DNM3: variants seen among roughly 807,000 people sequenced by gnomAD.
DNM3 encodes the protein dynamin-3.
Under a neutral mutation model 101.6 loss-of-function variants are expected in DNM3, and 47 were observed. The ratio of observed to expected loss-of-function variants is 0.46; its 90% CI spans 0.37 to 0.59. The LOEUF (loss-of-function observed/expected upper bound fraction) is 0.59, where lower values mean the gene tolerates loss of function less well. DNM3 is among the 20% of genes least tolerant of loss of function. The pLI, the probability that DNM3 is intolerant of heterozygous loss-of-function variation, is 0.00. For missense variants in DNM3, 849 were observed against 1,085.7 expected (o/e 0.78, Z 3.06); for synonymous variants, 385 against 387.9 (o/e 0.99, Z 0.09).
rs577067834 is a variant in DNM3, at chr1:172,409,385, T to C, written c.*1544T>C. 29 of 985,140 alleles carry C rather than the reference T, an allele frequency of 2.9e-5. No homozygotes were observed. The highest frequency in any genetic ancestry group is 1.4e-4 in the South Asian group (3 of 21,280). 61.0% of individuals were successfully genotyped at this position (985,140 alleles called of 1,614,324 possible). A position where few individuals can be genotyped will look rare whatever the true frequency, so the allele number is the denominator to read the frequency against. On this transcript the variant is annotated 3_prime_UTR_variant, in exon 21 of 21. Coordinates refer to ENST00000627582, the MANE Select transcript of DNM3 (RefSeq NM_015569.5). Reference sequence around the variant, plus strand: ...TCATAAAGTATAAAGTAAAAACTTTTAACCATTATTAAACAGAGAACTTGC... The same window carrying C: ...TCATAAAGTATAAAGTAAAAACTTTCAACCATTATTAAACAGAGAACTTGC...
chr1:172,169,704 T>C (rs998621561), intron 14 of DNM3, among the ~76,000 whole-genome samples: 1 of 151,898 alleles, frequency 6.6e-6, no homozygotes. Context: ...ATGAACAAGA[T>C]TGACTTACTA....
chr1:171,916,159 G>C (rs575146990), intron 1 of DNM3, among the ~76,000 whole-genome samples: 1 of 152,278 alleles, frequency 6.6e-6, no homozygotes, highest in East Asian at 1.9e-4. Context: ...AAATGGTCAA[G>C]AGCACAGATG....
intron 12 of DNM3, 64 bp downstream of exon 12, chr1:172,081,966 G>A (rs1479986969): frequency 6.7e-7 from 1 of 1,492,986 alleles, no homozygotes; most frequent in Non-Finnish European, 9.3e-7. Context: ...CACACATTGT[G>A]AATTTTTACT....
chr1:171,841,917 C>G lies in DNM3; in HGVS notation c.161+100C>G. ...CAGCGGGAGCCAGAGGGTGGATGGACCAGGCGCTGCGGTGGAATGGGGGGC... is the reference window on the plus strand; with the variant it reads ...CAGCGGGAGCCAGAGGGTGGATGGAGCAGGCGCTGCGGTGGAATGGGGGGC... On this transcript the variant is annotated intron_variant, in intron 1 of 20. Coordinates refer to ENST00000627582, the MANE Select transcript of DNM3 (RefSeq NM_015569.5). The G allele has an allele frequency of 2.1e-6, 3 of 1,458,594 alleles. No homozygotes were observed. In the East Asian group the frequency reaches 7.8e-5, roughly 38 times the overall value. The allele number at this position is 1,458,594 out of a possible 1,614,324, so 90.4% of individuals were successfully genotyped here.
chr1:172,096,711 T>A (rs760247809), intron 13 of DNM3, among the ~76,000 whole-genome samples: 6 of 152,118 alleles, frequency 3.9e-5, no homozygotes, highest in Non-Finnish European at 8.8e-5. Context: ...AAATGTCCAG[T>A]AGGAAGGTGG....
At chr1:172,308,921 G>T in intron 16 of DNM3, 82 bp downstream of exon 16, 1 of 719,908 alleles carries the variant, frequency 1.4e-6, no homozygotes. Context: ...ATAAGCTGGA[G>T]AAACTAGTTT....
intron 15 of DNM3, among the ~76,000 whole-genome samples, chr1:172,261,702 C>G (rs1028558441): frequency 7.2e-5 from 11 of 152,328 alleles, no homozygotes; most frequent in Non-Finnish European, 1.0e-4. Context: ...AGTGGTCCAC[C>G]CCTGTGGTAG....
In DNM3 at chr1:172,247,663, A is replaced by G. The variant is rs1052657234; in HGVS notation, c.1660-5910A>G. 5.3e-5 allele frequency among the ~76,000 whole-genome samples: 8 copies of G among 149,646 alleles called. 1 individual carries two copies. In the South Asian group the frequency reaches 1.7e-3, roughly 32 times the overall value. ...ATTACTCTATTATTATTTCTTATTT[A>G]TTTATTTATTTATTTATTTATTTAT... On this transcript the variant is annotated intron_variant, in intron 14 of 20. Transcript: ENST00000627582.
In DNM3 at chr1:172,176,950, G is replaced by A. The variant is rs550388762; in HGVS notation, c.1659+45662G>A. Among the ~76,000 whole-genome samples the A allele has an allele frequency of 1.5e-4, 23 of 151,856 alleles. No homozygotes were observed. The South Asian group carries it at 3.3e-3, about 22-fold the overall frequency. On this transcript the variant is annotated intron_variant, in intron 14 of 20. Coordinates refer to ENST00000627582, the MANE Select transcript of DNM3 (RefSeq NM_015569.5). ...AGATAATAATATTAGATATTGTAAC[G>A]AAAGCCTGCTCTAGGGCTATGAATA...
intron 14 of DNM3, chr1:172,137,068 T>C (rs2057277562): frequency 6.6e-6 from 1 of 152,112 alleles, no homozygotes; most frequent in African/African-American, 2.4e-5. Context: ...GGGTGTAGTC[T>C]CCTTAATGTT....
At chr1:171,958,532 T>C (rs2043006746) in intron 2 of DNM3, among the ~76,000 whole-genome samples, 1 of 152,068 alleles carries the variant, frequency 6.6e-6, no homozygotes, top group Admixed American at 6.6e-5. Flanking sequence ...TGAGTTTAGG[T>C]TGGAGTGGGA....
At chr1:172,190,418 G>A (rs2059674575) in intron 14 of DNM3, among the ~76,000 whole-genome samples, 1 of 152,102 alleles carries the variant, frequency 6.6e-6, no homozygotes, top group Non-Finnish European at 1.5e-5. Flanking sequence ...ATCATTGATG[G>A]ACATTTGGGT....
intron 14 of DNM3, among the ~76,000 whole-genome samples, chr1:172,240,612 G>T (rs752941414): frequency 1.1e-4 from 16 of 152,152 alleles, no homozygotes; most frequent in Non-Finnish European, 1.6e-4. Flanking sequence ...CTAGCATGTA[G>T]AATTATGTTT....
intron 14 of DNM3, among the ~76,000 whole-genome samples, chr1:172,213,472 A>G (rs2060580169): frequency 6.6e-6 from 1 of 151,430 alleles, no homozygotes. Flanking sequence ...ATATTTCAAC[A>G]AAAAGTTAAA....
intron 13 of DNM3, among the ~76,000 whole-genome samples, chr1:172,118,716 A>C (rs988418736): frequency 1.3e-5 from 2 of 151,706 alleles, no homozygotes; most frequent in Non-Finnish European, 2.9e-5. Context: ...CACAGCAACA[A>C]CTCTTAGTGA....
At chr1:172,290,958 GAGA>G (rs1322964174) in intron 15 of DNM3, among the ~76,000 whole-genome samples, 1 of 147,568 alleles carries the variant, frequency 6.8e-6, no homozygotes. Context: ...AAGCCTGGAG[GAGA>G]AGGTGTTTGA....
At chr1:172,239,709 CTAA>C (rs901583584) in intron 14 of DNM3, among the ~76,000 whole-genome samples, 1 of 151,460 alleles carries the variant, frequency 6.6e-6, no homozygotes, top group African/African-American at 2.4e-5. Flanking sequence ...TAATTTCTCT[CTAA>C]TGATACCTTC....
intron 12 of DNM3, among the ~76,000 whole-genome samples, chr1:172,082,322 C>G (rs1047974939): frequency 6.7e-6 from 1 of 148,610 alleles, no homozygotes; most frequent in Admixed American, 6.7e-5. Flanking sequence ...AATCTAGAGG[C>G]CTGTTTTTTT....
At chr1:172,017,312 T>G (rs1202885370) in intron 4 of DNM3, among the ~76,000 whole-genome samples, 1 of 152,150 alleles carries the variant, frequency 6.6e-6, no homozygotes, top group African/African-American at 2.4e-5. Flanking sequence ...TTTTAGATGT[T>G]TCTTTTTTTC....
Sources: allele counts gnomAD v4.1 joint callset (sites outside exome capture counted in the v4.1 genomes callset), GRCh38; gene constraint gnomAD v4.1.1; transcripts MANE v1.5; gene names NCBI Gene and HGNC (gene_info 2026-07-23, HGNC 2026-07-21).